Variants in ARB2A observed in about 807,000 individuals in gnomAD.
The protein encoded by ARB2A is ARB2 cotranscriptional regulator A, also known as cotranscriptional regulator ARB2A.
chr5:93,891,461 T>A, the ARB2A span, among the ~76,000 whole-genome samples: 2 of 151,978 alleles, frequency 1.3e-5, no homozygotes, highest in African/African-American at 4.8e-5. Flanking sequence ...CTCCAAAATT[T>A]AAAAAACTAG....
At chr5:93,958,759 C>T in the ARB2A span, 3 of 1,464,384 alleles carry the variant, frequency 2.0e-6, no homozygotes, top group Admixed American at 4.5e-5. Context: ...AAAAAAAAAC[C>T]CAGGAAATTG....
the ARB2A span, among the ~76,000 whole-genome samples, chr5:93,986,189 C>T: frequency 2.7e-5 from 4 of 149,536 alleles, no homozygotes; most frequent in South Asian, 4.2e-4. Context: ...TGCCTGGCCG[C>T]GACCCCGTCT....
the ARB2A span, among the ~76,000 whole-genome samples, chr5:93,728,180 T>C: frequency 6.6e-6 from 1 of 152,120 alleles, no homozygotes; most frequent in African/African-American, 2.4e-5. Context: ...GTTGGTTTTT[T>C]TTTGTTGTTG....
At chr5:93,638,657 C>CA in the ARB2A span, among the ~76,000 whole-genome samples, 8 of 144,166 alleles carry the variant, frequency 5.5e-5, no homozygotes, top group Admixed American at 4.8e-4. Context: ...ACTAAAAATA[C>CA]AAAAATACAA....
the ARB2A span, among the ~76,000 whole-genome samples, chr5:93,757,239 C>A: frequency 7.9e-5 from 12 of 151,938 alleles, no homozygotes; most frequent in African/African-American, 2.4e-4. Flanking sequence ...TGTTAAATGA[C>A]CAAGCATGAG....
chr5:93,800,915 T>C, the ARB2A span, among the ~76,000 whole-genome samples: 1 of 152,104 alleles, frequency 6.6e-6, no homozygotes, highest in Non-Finnish European at 1.5e-5. Context: ...ATGCAATCTT[T>C]AATATAGTTT....
At chr5:93,627,438 GTTTTGTTT>G in the ARB2A span, among the ~76,000 whole-genome samples, 1 of 108,090 alleles carries the variant, frequency 9.3e-6, no homozygotes, top group African/African-American at 4.0e-5. Flanking sequence ...TACAAAATGT[GTTTTGTTT>G]TTTTTTTTTT....
chr5:93,631,347 G>A, the ARB2A span, among the ~76,000 whole-genome samples: 2 of 152,130 alleles, frequency 1.3e-5, no homozygotes, highest in African/African-American at 4.8e-5. Context: ...TTATAGAAAT[G>A]TTTTGTTTGG....
At chr5:93,826,585 A>C in the ARB2A span, among the ~76,000 whole-genome samples, 1 of 152,000 alleles carries the variant, frequency 6.6e-6, no homozygotes, top group Non-Finnish European at 1.5e-5. Flanking sequence ...TTTTCCTTTT[A>C]AAATGTTTTT....
At chr5:93,754,958 T>A in the ARB2A span, among the ~76,000 whole-genome samples, 1 of 152,338 alleles carries the variant, frequency 6.6e-6, no homozygotes, top group African/African-American at 2.4e-5. Flanking sequence ...CCTAAATAAA[T>A]AAGTTATTTG....
chr5:93,775,165 G>A, the ARB2A span, among the ~76,000 whole-genome samples: 1 of 151,974 alleles, frequency 6.6e-6, no homozygotes, highest in African/African-American at 2.4e-5. Context: ...AAGCTCAGTT[G>A]AAGTTTAGGT....
the ARB2A span, among the ~76,000 whole-genome samples, chr5:93,982,109 A>G: frequency 6.6e-6 from 1 of 152,158 alleles, no homozygotes; most frequent in African/African-American, 2.4e-5. Flanking sequence ...ACAAAAAAAA[A>G]GTAATCTTCC....
the ARB2A span, among the ~76,000 whole-genome samples, chr5:93,991,827 G>A: frequency 6.6e-6 from 1 of 151,938 alleles, no homozygotes; most frequent in Non-Finnish European, 1.5e-5. Flanking sequence ...TAGGAATTGT[G>A]GATGGGAGAA....
At chr5:93,887,149 T>C in the ARB2A span, among the ~76,000 whole-genome samples, 2 of 151,420 alleles carry the variant, frequency 1.3e-5, no homozygotes, top group African/African-American at 2.4e-5. Context: ...CAGAAGGTCA[T>C]GCATGGGCTG....
the ARB2A span, among the ~76,000 whole-genome samples, chr5:94,046,536 A>G: frequency 1.7e-4 from 26 of 152,094 alleles, no homozygotes; most frequent in African/African-American, 5.8e-4. Context: ...ACTTACTTCT[A>G]CCCAGGAAGG....
the ARB2A span, among the ~76,000 whole-genome samples, chr5:93,842,834 G>A: frequency 1.3e-5 from 2 of 152,184 alleles, no homozygotes; most frequent in Non-Finnish European, 2.9e-5. Flanking sequence ...CATCCTGACA[G>A]GAGAGGTTTT....
chr5:93,689,162 T>C, the ARB2A span, among the ~76,000 whole-genome samples: 6 of 152,212 alleles, frequency 3.9e-5, no homozygotes, highest in Non-Finnish European at 7.3e-5. Context: ...GGTTGTCAAA[T>C]GTACCACATA....
chr5:93,994,814 G>A, the ARB2A span, among the ~76,000 whole-genome samples: 4 of 152,158 alleles, frequency 2.6e-5, no homozygotes, highest in South Asian at 2.1e-4. Context: ...GCTGAGGCAG[G>A]AGAACTGCTT....
At chr5:93,802,915 A>T in the ARB2A span, among the ~76,000 whole-genome samples, 1 of 152,080 alleles carries the variant, frequency 6.6e-6, no homozygotes, top group Non-Finnish European at 1.5e-5. Context: ...AGCAACAACA[A>T]AAACCCCCTT....
Sources: gnomAD v4.1 joint callset for allele counts (sites outside exome capture counted in the v4.1 genomes callset) on GRCh38, gnomAD v4.1.1 for gene constraint, MANE v1.5 for transcripts, NCBI Gene and HGNC (gene_info 2026-07-23, HGNC 2026-07-21) for gene names.